Variants in ADAM22 observed in about 807,000 individuals in gnomAD.
The protein encoded by ADAM22 is ADAM metallopeptidase domain 22.
In ADAM22, 65 loss-of-function variants were observed where a neutral mutation model predicts 144.6. The ratio of observed to expected loss-of-function variants is 0.45; its 90% CI spans 0.37 to 0.55. The LOEUF is 0.55. ADAM22 is among the 20% of genes least tolerant of loss of function. The pLI is 0.00. For synonymous variants in ADAM22, 391 were observed against 412.6 expected (o/e 0.95, Z 0.63); for missense variants, 974 against 1,184.9 (o/e 0.82, Z 2.61).
At chr7:88,019,857 ATGTGTGTGTGTGTGTGTG>A (rs35909431) in intron 3 of ADAM22, among the ~76,000 whole-genome samples, 4,705 of 139,040 alleles carry the variant, frequency 0.034, 247 homozygotes, top group African/African-American at 0.11. Context: ...CTCAAAAAAT[ATGTGTGTGTGTGTGTGTG>A]TGTGTGTGTG....
At chr7:87,954,933 C>T (rs1251485585) in intron 2 of ADAM22, among the ~76,000 whole-genome samples, 3 of 152,210 alleles carry the variant, frequency 2.0e-5, no homozygotes, top group African/African-American at 7.2e-5. Context: ...GCATCGGCTC[C>T]TGAGGCTTCT....
At chr7:88,063,591 G>A (rs1810447591) in intron 3 of ADAM22, among the ~76,000 whole-genome samples, 2 of 152,136 alleles carry the variant, frequency 1.3e-5, no homozygotes, top group Admixed American at 1.3e-4. Context: ...CTTAAGGACA[G>A]GAATTTCTAG....
At chr7:87,951,498 A>G (rs1198896884) in intron 2 of ADAM22, among the ~76,000 whole-genome samples, 1 of 89,280 alleles carries the variant, frequency 1.1e-5, no homozygotes, top group East Asian at 2.4e-4. Flanking sequence ...CCATTGATCT[A>G]TATCTGTGTT....
At chr7:87,965,426 C>T (rs1242726228) in intron 2 of ADAM22, among the ~76,000 whole-genome samples, 1 of 152,062 alleles carries the variant, frequency 6.6e-6, no homozygotes, top group African/African-American at 2.4e-5. Context: ...AACATAGTTC[C>T]ATAGTTTATT....
intron 3 of ADAM22, among the ~76,000 whole-genome samples, chr7:88,020,183 A>G (rs1324931578): frequency 6.6e-6 from 1 of 152,180 alleles, no homozygotes; most frequent in Non-Finnish European, 1.5e-5. Context: ...AGTATTAGTC[A>G]TGGCAAGGGA....
intron 3 of ADAM22, among the ~76,000 whole-genome samples, chr7:88,050,492 A>C (rs1219367674): frequency 6.6e-6 from 1 of 151,338 alleles, no homozygotes; most frequent in African/African-American, 2.4e-5. Flanking sequence ...CTCAAAAAAA[A>C]AAAAAAAAAG....
intron 3 of ADAM22, among the ~76,000 whole-genome samples, chr7:88,021,866 C>T (rs575731313): frequency 6.6e-6 from 1 of 151,076 alleles, no homozygotes; most frequent in South Asian, 2.1e-4. Context: ...TTCCTTCTCT[C>T]ATTACATTTT....
chr7:88,171,157 C>T (rs1351047280), intron 25 of ADAM22, among the ~76,000 whole-genome samples: 1 of 151,776 alleles, frequency 6.6e-6, no homozygotes, highest in Non-Finnish European at 1.5e-5. Context: ...AATTTTATTT[C>T]TGTAAAAAGT....
intron 3 of ADAM22, among the ~76,000 whole-genome samples, chr7:87,982,322 T>C (rs903216610): frequency 6.6e-6 from 1 of 151,834 alleles, no homozygotes; most frequent in Non-Finnish European, 1.5e-5. Context: ...AAATAGCACA[T>C]TCGAGAATTG....
intron 5 of ADAM22, among the ~76,000 whole-genome samples, chr7:88,109,293 G>A (rs1345781594): frequency 6.6e-6 from 1 of 152,056 alleles, no homozygotes; most frequent in Non-Finnish European, 1.5e-5. Flanking sequence ...ATCAAATAAT[G>A]TTTGCTGATG....
rs925938457 is a variant in ADAM22, at chr7:88,168,222, T to A, written c.2277T>A (p.Gly759=). 6.2e-7 allele frequency: 1 copy of A among 1,612,432 alleles called. No individual in the cohort carries two copies. Among genetic ancestry groups the A allele is most frequent in the African/African-American group, 1.3e-5 (1 of 74,836 alleles). The change falls in exon 25 of 32, where the codon GGT becomes GGA. Residue 759 remains glycine, a synonymous_variant. Coordinates refer to ENST00000413139, the MANE Select transcript of ADAM22 (RefSeq NM_001324418.2). ...TCATATTAGGAATAACTGCGTGGGG[T>A]TATAAGTAAGTGAAATGTCTCAGTC... The part of the protein sequence containing the change: ...LALILGITAW[G]YKNYREQRQL...
chr7:88,095,671 C>T (rs1273372563), intron 4 of ADAM22, among the ~76,000 whole-genome samples: 6 of 152,116 alleles, frequency 3.9e-5, no homozygotes, highest in South Asian at 2.1e-4. Flanking sequence ...AATTGGCCTG[C>T]GATAAAAATC....
intron 22 of ADAM22, among the ~76,000 whole-genome samples, chr7:88,157,159 A>G (rs1338585077): frequency 3.3e-5 from 5 of 152,158 alleles, no homozygotes; most frequent in African/African-American, 1.2e-4. Context: ...CAACAGAGGA[A>G]ACAGCAGGGA....
chr7:87,999,928 T>C (rs1049980138), intron 3 of ADAM22, among the ~76,000 whole-genome samples: 1 of 151,704 alleles, frequency 6.6e-6, no homozygotes, highest in African/African-American at 2.4e-5. Context: ...TGTTCCATAA[T>C]TGCACCTGTG....
intron 6 of ADAM22, among the ~76,000 whole-genome samples, chr7:88,115,828 C>T (rs1211718595): frequency 6.6e-6 from 1 of 152,194 alleles, no homozygotes; most frequent in Non-Finnish European, 1.5e-5. Context: ...TTTAGAGAAA[C>T]CTGAGTCATC....
intron 4 of ADAM22, among the ~76,000 whole-genome samples, chr7:88,093,474 G>T (rs1820474863): frequency 6.6e-6 from 1 of 152,066 alleles, no homozygotes; most frequent in Non-Finnish European, 1.5e-5. Flanking sequence ...CCTTTTTGAA[G>T]GAGGATAATT....
chr7:88,045,464 G>A (rs996057705), intron 3 of ADAM22, among the ~76,000 whole-genome samples: 3 of 152,052 alleles, frequency 2.0e-5, no homozygotes, highest in African/African-American at 7.2e-5. Context: ...TATGCATGAT[G>A]TTTTGATGTA....
chr7:88,173,597 T>C (rs1563390611), intron 26 of ADAM22, among the ~76,000 whole-genome samples: 1 of 152,062 alleles, frequency 6.6e-6, no homozygotes, highest in Non-Finnish European at 1.5e-5. Context: ...AAATATTCAA[T>C]CTTATAAAAA....
At chr7:87,946,040 A>G (rs1228815455) in intron 2 of ADAM22, among the ~76,000 whole-genome samples, 1 of 151,038 alleles carries the variant, frequency 6.6e-6, no homozygotes, top group Admixed American at 6.6e-5. Flanking sequence ...CCTCATCAGC[A>G]TCTGTTTTTT....
Sources: allele counts gnomAD v4.1 joint callset (sites outside exome capture counted in the v4.1 genomes callset), GRCh38; gene constraint gnomAD v4.1.1; transcripts MANE v1.5; gene names NCBI Gene and HGNC (gene_info 2026-07-23, HGNC 2026-07-21).